TNKS: variants seen among roughly 807,000 people sequenced by gnomAD.
TNKS encodes poly [ADP-ribose] polymerase tankyrase-1.
Under a neutral mutation model 135.8 loss-of-function variants are expected in TNKS, and 72 were observed. That is an observed-to-expected ratio of 0.53 (90% CI 0.44 to 0.64). The LOEUF is 0.64. TNKS is among the 30% of genes least tolerant of loss of function. TNKS has a pLI of 0.00. For synonymous variants in TNKS, 849 were observed against 649.3 expected, an observed-to-expected ratio of 1.31 and a Z score of -4.68; for missense variants, 1,769 against 1,674.0, an observed-to-expected ratio of 1.06 and a Z score of -0.99.
In TNKS at chr8:9,762,629, G is replaced by C. The variant is rs150092396; in HGVS notation, c.3275-518G>C. ...AACAACAGATAAAATTGGGCTGGGC[G>C]CAGTGGCTCACGCCTGTAATCCCAG... On this transcript the variant is annotated intron_variant, in intron 21 of 26. Coordinates refer to ENST00000310430, the MANE Select transcript of TNKS (RefSeq NM_003747.3). Among the ~76,000 whole-genome samples the C allele has an allele frequency of 8.0e-3, 1,216 of 152,226 alleles. 11 individuals are homozygous for C. The highest frequency in any genetic ancestry group is 0.012 in the Non-Finnish European group (830 of 68,000).
At chr8:9,601,959 G>A (rs1410747421) in intron 2 of TNKS, among the ~76,000 whole-genome samples, 1 of 152,108 alleles carries the variant, frequency 6.6e-6, no homozygotes, top group Non-Finnish European at 1.5e-5. Flanking sequence ...GCATGTGTAT[G>A]AGGAGGTGGG....
At chr8:9,746,099 A>G (rs1415719625) in intron 17 of TNKS, among the ~76,000 whole-genome samples, 4 of 152,180 alleles carry the variant, frequency 2.6e-5, no homozygotes, top group African/African-American at 7.2e-5. Flanking sequence ...TTTATTTTCA[A>G]TAGATGATGT....
At chr8:9,619,459 G>C (rs1799779240) in intron 3 of TNKS, among the ~76,000 whole-genome samples, 1 of 152,192 alleles carries the variant, frequency 6.6e-6, no homozygotes, top group Admixed American at 6.5e-5. Context: ...GTCGTTGTCA[G>C]GACCAAGGAT....
intron 13 of TNKS, among the ~76,000 whole-genome samples, chr8:9,727,727 A>T (rs908660338): frequency 2.6e-5 from 4 of 152,362 alleles, no homozygotes; most frequent in African/African-American, 9.6e-5. Context: ...GATAACATAT[A>T]CTGGTTGAAA....
intron 2 of TNKS, among the ~76,000 whole-genome samples, chr8:9,595,926 A>G (rs1798771396): frequency 6.6e-6 from 1 of 152,176 alleles, no homozygotes; most frequent in Non-Finnish European, 1.5e-5. Context: ...AGCCTGAGCA[A>G]TAAAGTGAGA....
chr8:9,563,559 C>G (rs554411434), intron 1 of TNKS, among the ~76,000 whole-genome samples: 4 of 152,162 alleles, frequency 2.6e-5, no homozygotes, highest in African/African-American at 9.6e-5. Flanking sequence ...GTTTGCTGAC[C>G]TCTGTTATAA....
Position 9,751,860 on chromosome 8 carries a change from A to T in TNKS, c.3070+14A>T. The T allele has an allele frequency of 1.9e-6, 3 of 1,609,560 alleles. No individual in the cohort carries two copies. Among genetic ancestry groups the T allele is most frequent in the Middle Eastern group, 1.7e-4 (1 of 6,050 alleles). On this transcript the variant is annotated intron_variant, in intron 19 of 26. Coordinates refer to ENST00000310430, the MANE Select transcript of TNKS (RefSeq NM_003747.3). Reference sequence around the variant, plus strand: ...AGGAAGGAGAAGGTGAGTAGACCCCATGAATGCTTATTTATTTATACCTTT... The same window carrying T: ...AGGAAGGAGAAGGTGAGTAGACCCCTTGAATGCTTATTTATTTATACCTTT...
chr8:9,755,132 G>A (rs555397653), intron 20 of TNKS, among the ~76,000 whole-genome samples: 28 of 152,110 alleles, frequency 1.8e-4, no homozygotes, highest in Non-Finnish European at 3.8e-4. Context: ...CTTTTAGTCA[G>A]TTTGCATTAT....
At chr8:9,572,186 C>T (rs1228268011) in intron 1 of TNKS, among the ~76,000 whole-genome samples, 1 of 152,148 alleles carries the variant, frequency 6.6e-6, no homozygotes, top group Non-Finnish European at 1.5e-5. Flanking sequence ...AGAGATTTTG[C>T]ATATCTGAGA....
chr8:9,772,278 TATATATTGG>T (rs1203437081), intron 26 of TNKS: 1 of 421,016 alleles, frequency 2.4e-6, no homozygotes. Context: ...GAGGAGTAAT[TATATATTGG>T]AGAAAGGGGA....
At chr8:9,685,940 G>A (rs531826557) in intron 5 of TNKS, among the ~76,000 whole-genome samples, 397 of 152,150 alleles carry the variant, frequency 2.6e-3, no homozygotes, top group South Asian at 4.2e-3. Flanking sequence ...CAGTACCCCC[G>A]TCTCTCAGTA....
At chr8:9,707,027 G>T (rs149853147) in intron 8 of TNKS, 30 bp downstream of exon 8, 2 of 1,508,412 alleles carry the variant, frequency 1.3e-6, no homozygotes, top group East Asian at 4.8e-5. Flanking sequence ...AATCATTATC[G>T]CATAAATTGG....
At chr8:9,744,812 C>G (rs1472008828) in intron 17 of TNKS, among the ~76,000 whole-genome samples, 1 of 152,174 alleles carries the variant, frequency 6.6e-6, no homozygotes, top group African/African-American at 2.4e-5. Context: ...TATACTCCTT[C>G]CTGTTCATTG....
intron 12 of TNKS, 98 bp from the exon 13 acceptor site, chr8:9,726,540 ACTT>A: frequency 1.3e-6 from 1 of 773,438 alleles, no homozygotes; most frequent in East Asian, 2.7e-5. Flanking sequence ...CTCCTGAACT[ACTT>A]TGCAATCCCT....
intron 5 of TNKS, among the ~76,000 whole-genome samples, chr8:9,690,225 G>T (rs866567610): frequency 6.6e-6 from 1 of 152,148 alleles, no homozygotes; most frequent in Non-Finnish European, 1.5e-5. Flanking sequence ...TAATTCTTCT[G>T]CTGATTCTGA....
At chr8:9,726,579 C>G in intron 12 of TNKS, 62 bp from the exon 13 acceptor site, 2 of 1,235,552 alleles carry the variant, frequency 1.6e-6, no homozygotes, top group South Asian at 1.7e-5. Context: ...TTTCCAAAAT[C>G]AATGCAGTTG....
At chr8:9,560,592 C>T (rs1797287521) in intron 1 of TNKS, among the ~76,000 whole-genome samples, 2 of 135,502 alleles carry the variant, frequency 1.5e-5, no homozygotes, top group African/African-American at 5.6e-5. Context: ...TAGATTGTTG[C>T]CTATCAGTGG....
intron 5 of TNKS, among the ~76,000 whole-genome samples, chr8:9,696,516 C>G (rs116269481): frequency 0.012 from 1,843 of 152,234 alleles, 41 homozygotes; most frequent in African/African-American, 0.042. Context: ...CCTCTCTTCA[C>G]TGACACTATG....
chr8:9,562,473 A>G (rs1797375685), intron 1 of TNKS, among the ~76,000 whole-genome samples: 1 of 152,192 alleles, frequency 6.6e-6, no homozygotes. Context: ...ATTTTATCAG[A>G]TGTGACTATA....
Sources: gnomAD v4.1 joint callset for allele counts (sites outside exome capture counted in the v4.1 genomes callset) on GRCh38, gnomAD v4.1.1 for gene constraint, MANE v1.5 for transcripts, NCBI Gene and HGNC (gene_info 2026-07-23, HGNC 2026-07-21) for gene names.